Variants in PGCKA1 observed in about 807,000 individuals in gnomAD.
PGCKA1 encodes the protein PDCD10 and GCKIII kinases associated 1.
chr4:37,568,562 G>A, the PGCKA1 span, among the ~76,000 whole-genome samples: 1 of 152,202 alleles, frequency 6.6e-6, no homozygotes, highest in African/African-American at 2.4e-5. Context: ...AAGAGCTGCA[G>A]AGTTCAGGGA....
chr4:37,454,255 G>C, the PGCKA1 span, among the ~76,000 whole-genome samples: 6 of 152,084 alleles, frequency 3.9e-5, no homozygotes, highest in African/African-American at 9.7e-5. Flanking sequence ...GCTCTAAAAG[G>C]GGCAAAACTC....
chr4:37,516,744 C>T, the PGCKA1 span, among the ~76,000 whole-genome samples: 11 of 152,166 alleles, frequency 7.2e-5, no homozygotes, highest in Non-Finnish European at 1.3e-4. Context: ...ATTCCTTCCC[C>T]TCTTTAAAAG....
chr4:37,559,317 C>T, the PGCKA1 span, among the ~76,000 whole-genome samples: 1 of 132,066 alleles, frequency 7.6e-6, no homozygotes, highest in Non-Finnish European at 1.6e-5. Context: ...AATTGGAAAT[C>T]ATCATTCTCA....
chr4:37,567,216 T>A, the PGCKA1 span, among the ~76,000 whole-genome samples: 1 of 152,312 alleles, frequency 6.6e-6, no homozygotes, highest in South Asian at 2.1e-4. Flanking sequence ...AACCTCCCAT[T>A]TAGTTATCTA....
At chr4:37,483,857 C>G in the PGCKA1 span, among the ~76,000 whole-genome samples, 2 of 152,192 alleles carry the variant, frequency 1.3e-5, no homozygotes, top group Non-Finnish European at 2.9e-5. Flanking sequence ...GGGAGGTGAG[C>G]AGTTTGTGAG....
the PGCKA1 span, among the ~76,000 whole-genome samples, chr4:37,560,201 C>T: frequency 6.6e-6 from 1 of 152,202 alleles, no homozygotes; most frequent in African/African-American, 2.4e-5. Flanking sequence ...TTCTCATGCT[C>T]AAGGATGCCA....
At chr4:37,545,121 G>A in the PGCKA1 span, among the ~76,000 whole-genome samples, 1 of 152,130 alleles carries the variant, frequency 6.6e-6, no homozygotes, top group African/African-American at 2.4e-5. Context: ...CTCCCCAAGT[G>A]CTGGGATTAT....
At chr4:37,591,112 C>A in the PGCKA1 span, 1 of 867,534 alleles carries the variant, frequency 1.2e-6, no homozygotes, top group Non-Finnish European at 1.8e-6. Flanking sequence ...TGCAGCCTTA[C>A]CAGTTGTTTA....
At chr4:37,582,360 C>T in the PGCKA1 span, among the ~76,000 whole-genome samples, 196 of 152,230 alleles carry the variant, frequency 1.3e-3, no homozygotes, top group African/African-American at 4.5e-3. Context: ...CTGCCCTTCC[C>T]CAAGAGCATT....
chr4:37,460,887 G>T, the PGCKA1 span: 1 of 399,114 alleles, frequency 2.5e-6, no homozygotes, highest in Admixed American at 3.4e-5. Flanking sequence ...TATTTTTGAC[G>T]ATTTCATCAT....
the PGCKA1 span, chr4:37,590,246 C>CTGAG: frequency 1.9e-5 from 31 of 1,614,094 alleles, no homozygotes; most frequent in Non-Finnish European, 2.5e-5. Flanking sequence ...TCAAAGAAGA[C>CTGAG]TGAGAGCAGC....
chr4:37,468,279 G>A, the PGCKA1 span, among the ~76,000 whole-genome samples: 22 of 152,182 alleles, frequency 1.4e-4, no homozygotes, highest in Admixed American at 1.2e-3. Context: ...GACTATGGGC[G>A]TGGAGCAGTG....
the PGCKA1 span, among the ~76,000 whole-genome samples, chr4:37,525,675 A>G: frequency 6.6e-6 from 1 of 152,192 alleles, no homozygotes; most frequent in African/African-American, 2.4e-5. Flanking sequence ...AGCATCAGGC[A>G]CCAGAAATCA....
chr4:37,463,112 G>A, the PGCKA1 span, among the ~76,000 whole-genome samples: 5 of 152,100 alleles, frequency 3.3e-5, no homozygotes, highest in Admixed American at 1.3e-4. Context: ...TAAGTTGGAG[G>A]TTGTTGTAGG....
the PGCKA1 span, among the ~76,000 whole-genome samples, chr4:37,459,486 C>T: frequency 1.3e-5 from 2 of 152,186 alleles, no homozygotes; most frequent in Non-Finnish European, 2.9e-5. Flanking sequence ...CAGCTAAAAC[C>T]TAATCAAGAT....
the PGCKA1 span, among the ~76,000 whole-genome samples, chr4:37,580,175 C>T: frequency 6.6e-6 from 1 of 151,936 alleles, no homozygotes; most frequent in Non-Finnish European, 1.5e-5. Flanking sequence ...TGAATTCCTT[C>T]TCTGTGGTAT....
At chr4:37,465,903 A>G in the PGCKA1 span, among the ~76,000 whole-genome samples, 2 of 152,194 alleles carry the variant, frequency 1.3e-5, no homozygotes, top group Non-Finnish European at 2.9e-5. Flanking sequence ...ACACTCTTCT[A>G]GAAGAAGAGT....
At chr4:37,502,858 T>C in the PGCKA1 span, among the ~76,000 whole-genome samples, 3 of 152,036 alleles carry the variant, frequency 2.0e-5, no homozygotes, top group Admixed American at 2.0e-4. Context: ...CAGGGCTGTA[T>C]TGCAAGCAGT....
At chr4:37,490,213 A>G in the PGCKA1 span, among the ~76,000 whole-genome samples, 10 of 152,238 alleles carry the variant, frequency 6.6e-5, no homozygotes, top group African/African-American at 2.4e-4. Context: ...TGGAATAGGT[A>G]TTAATATCCC....
Sources: allele counts gnomAD v4.1 joint callset (sites outside exome capture counted in the v4.1 genomes callset), GRCh38; gene constraint gnomAD v4.1.1; transcripts MANE v1.5; gene names NCBI Gene and HGNC (gene_info 2026-07-23, HGNC 2026-07-21).